PTPRR: variants seen among roughly 807,000 people sequenced by gnomAD.
The protein encoded by PTPRR is receptor-type tyrosine-protein phosphatase R.
Under a neutral mutation model 77.2 loss-of-function variants are expected in PTPRR, and 38 were observed. The observed-to-expected ratio is 0.49, with a 90% CI of 0.38 to 0.65. The LOEUF (loss-of-function observed/expected upper bound fraction) is 0.65, where lower values mean the gene tolerates loss of function less well. Ranked by LOEUF, PTPRR falls within the 30% of genes least tolerant of loss-of-function variation. PTPRR has a pLI of 0.00. For synonymous variants in PTPRR, 299 were observed against 283.1 expected, an observed-to-expected ratio of 1.06 and a Z score of -0.57; for missense variants, 744 against 799.2, an observed-to-expected ratio of 0.93 and a Z score of 0.83.
intron 2 of PTPRR, among the ~76,000 whole-genome samples, chr12:70,828,817 C>T (rs1401526818): frequency 2.0e-5 from 3 of 152,160 alleles, no homozygotes; most frequent in African/African-American, 2.4e-5. Flanking sequence ...TTGATAGTGT[C>T]GTGTGACTAA....
At chr12:70,850,368 AAAAT>A (rs1461150171) in intron 2 of PTPRR, among the ~76,000 whole-genome samples, 1 of 152,130 alleles carries the variant, frequency 6.6e-6, no homozygotes, top group Non-Finnish European at 1.5e-5. Context: ...CAGAAAAAAA[AAAAT>A]AAAAGGTAAT....
At chr12:70,667,420 G>A (rs1887052028) in intron 10 of PTPRR, among the ~76,000 whole-genome samples, 1 of 152,162 alleles carries the variant, frequency 6.6e-6, no homozygotes, top group Admixed American at 6.5e-5. Context: ...GGCGCAGTCA[G>A]CATCTGAATT....
intron 6 of PTPRR, among the ~76,000 whole-genome samples, chr12:70,718,957 C>G (rs1302658492): frequency 1.3e-5 from 2 of 152,128 alleles, no homozygotes; most frequent in Admixed American, 1.3e-4. Flanking sequence ...TTCTCCATGT[C>G]AGATGAGGAC....
At chr12:70,762,382 G>A (rs1320586218) in intron 3 of PTPRR, among the ~76,000 whole-genome samples, 1 of 152,008 alleles carries the variant, frequency 6.6e-6, no homozygotes, top group Non-Finnish European at 1.5e-5. Flanking sequence ...CTAATAGAAG[G>A]AAATTATTCT....
At chr12:70,875,654 AAGAC>A (rs1312517587) in intron 2 of PTPRR, among the ~76,000 whole-genome samples, 1 of 152,050 alleles carries the variant, frequency 6.6e-6, no homozygotes, top group Non-Finnish European at 1.5e-5. Flanking sequence ...AAAAAAAAAA[AAGAC>A]AGGGTCACAA....
At chr12:70,894,005 C>A (rs889767067) in intron 1 of PTPRR, among the ~76,000 whole-genome samples, 3 of 151,650 alleles carry the variant, frequency 2.0e-5, no homozygotes, top group African/African-American at 4.8e-5. Context: ...CAGGAGGAAA[C>A]AGATAATACA....
chr12:70,653,401 T>C (rs1166989097), intron 13 of PTPRR, among the ~76,000 whole-genome samples: 4 of 152,180 alleles, frequency 2.6e-5, no homozygotes, highest in Admixed American at 2.6e-4. Flanking sequence ...GGAACTGATC[T>C]TTTTTATGTA....
intron 2 of PTPRR, among the ~76,000 whole-genome samples, chr12:70,834,661 C>T (rs1892271119): frequency 6.6e-6 from 1 of 152,080 alleles, no homozygotes; most frequent in Non-Finnish European, 1.5e-5. Flanking sequence ...ATGCCTAGGA[C>T]ACAGCAGGCA....
chr12:70,728,568 A>G (rs148835540), intron 6 of PTPRR, among the ~76,000 whole-genome samples: 1,061 of 100,130 alleles, frequency 0.011, 15 homozygotes, highest in African/African-American at 0.044. Context: ...TATATATGCC[A>G]GTTGAGGATC....
In PTPRR at chr12:70,794,368, T is replaced by C. The variant is rs149792777; in HGVS notation, c.358-29590A>G. On this transcript the variant is annotated intron_variant, in intron 2 of 13. Transcript: ENST00000283228. ...ATAGTGATGTGTCTATTTACATGAA[T>C]GACTAAAGAACTTCTTGGAATGGAA... Among the ~76,000 whole-genome samples, 679 of 152,216 alleles carry C rather than the reference T, an allele frequency of 4.5e-3. 7 individuals carry two copies. The highest frequency in any genetic ancestry group is 0.016 in the African/African-American group (654 of 41,522).
chr12:70,834,903 C>T (rs780510161), intron 2 of PTPRR, among the ~76,000 whole-genome samples: 14 of 152,104 alleles, frequency 9.2e-5, no homozygotes, highest in South Asian at 2.1e-4. Context: ...TAGAGTCAAA[C>T]AATATGTCTA....
At chr12:70,775,219 AG>A (rs1383508265) in intron 2 of PTPRR, among the ~76,000 whole-genome samples, 1 of 152,208 alleles carries the variant, frequency 6.6e-6, no homozygotes, top group Non-Finnish European at 1.5e-5. Context: ...CAAAATTCAA[AG>A]TCTTCCAATT....
chr12:70,706,239 C>T (rs952637565), intron 6 of PTPRR, among the ~76,000 whole-genome samples: 3 of 152,110 alleles, frequency 2.0e-5, no homozygotes, highest in Middle Eastern at 3.4e-3. Flanking sequence ...GTAAATTATA[C>T]ATAGTACCAA....
intron 10 of PTPRR, chr12:70,672,192 C>T: frequency 6.4e-7 from 1 of 1,560,426 alleles, no homozygotes; most frequent in Non-Finnish European, 8.8e-7. Flanking sequence ...CCAGTCCTAC[C>T]ATGGTTGGAA....
rs150020585 is a variant in PTPRR, at chr12:70,870,585, G to A, written c.357+22094C>T. 2.0e-4 allele frequency among the ~76,000 whole-genome samples: 31 copies of A among 152,256 alleles called. No homozygotes were observed. The East Asian group carries it at 2.1e-3, about 10-fold the overall frequency. On this transcript the variant is annotated intron_variant, in intron 2 of 13. Transcript: ENST00000283228. ...AGACAGTGAATGAACATATGCTTCC[G>A]GCACTGTTAAAACGTTAGACTTACA...
chr12:70,877,965 T>C (rs1893081152), intron 2 of PTPRR, among the ~76,000 whole-genome samples: 1 of 152,168 alleles, frequency 6.6e-6, no homozygotes, highest in South Asian at 2.1e-4. Context: ...AACTATCTGA[T>C]CTTTGACAAA....
intron 2 of PTPRR, among the ~76,000 whole-genome samples, chr12:70,858,239 A>G (rs899996642): frequency 2.6e-5 from 4 of 151,294 alleles, no homozygotes; most frequent in African/African-American, 9.8e-5. Flanking sequence ...TGGTCCAATG[A>G]CTCTTCCCAC....
At chr12:70,733,131 G>A (rs1889721138) in intron 6 of PTPRR, among the ~76,000 whole-genome samples, 1 of 151,798 alleles carries the variant, frequency 6.6e-6, no homozygotes, top group Admixed American at 6.6e-5. Context: ...TGGAAAAAAA[G>A]GTTTCCTTAA....
intron 8 of PTPRR, among the ~76,000 whole-genome samples, chr12:70,687,202 T>C (rs962753024): frequency 9.2e-5 from 14 of 151,592 alleles, no homozygotes; most frequent in Non-Finnish European, 2.1e-4. Context: ...AAGCAGAGAG[T>C]TGAAACCAGA....
Sources: allele counts gnomAD v4.1 joint callset (sites outside exome capture counted in the v4.1 genomes callset), GRCh38; gene constraint gnomAD v4.1.1; transcripts MANE v1.5; gene names NCBI Gene and HGNC (gene_info 2026-07-23, HGNC 2026-07-21).